The following RGSL1 variants were observed in gnomAD, a reference collection of about 807,000 sequenced individuals.
The protein encoded by RGSL1 is regulator of G protein signaling like 1.
A neutral mutation model predicts 124.7 loss-of-function variants in RGSL1; 97 were observed. The ratio of observed to expected loss-of-function variants is 0.78; its 90% CI spans 0.66 to 0.92. The LOEUF is 0.92. RGSL1 is among the 40% of genes least tolerant of loss of function. RGSL1 has a pLI of 0.00. For missense variants in RGSL1, 1,233 were observed against 1,288.4 expected (o/e 0.96, Z 0.66); for synonymous variants, 424 against 438.1 (o/e 0.97, Z 0.40).
intron 14 of RGSL1, among the ~76,000 whole-genome samples, chr1:182,539,842 T>C (rs1002414023): frequency 1.3e-5 from 2 of 152,228 alleles, no homozygotes; most frequent in Non-Finnish European, 1.5e-5. Flanking sequence ...ATTTTGACTT[T>C]TTCTTTGTGC....
intron 18 of RGSL1, among the ~76,000 whole-genome samples, chr1:182,552,531 G>A (rs1329329608): frequency 6.6e-6 from 1 of 152,174 alleles, no homozygotes; most frequent in Non-Finnish European, 1.5e-5. Flanking sequence ...CTGTGAATCT[G>A]GGAACAGCAT....
At chr1:182,509,657 C>T (rs1571608118) in intron 9 of RGSL1, among the ~76,000 whole-genome samples, 2 of 129,356 alleles carry the variant, frequency 1.5e-5, no homozygotes, top group Non-Finnish European at 3.3e-5. Flanking sequence ...GGCGGCTGGC[C>T]GGGCGGGGGG....
Position 182,473,992 on chromosome 1 carries a change from C to T in RGSL1, c.881C>T (p.Ser294Phe). The change falls in exon 6 of 22, where the codon TCC becomes TTC. Residue 294 changes from serine to phenylalanine, a missense_variant. Ser to Phe is a radical substitution (Grantham distance 155). Transcript: ENST00000294854. ...GAGAAGGTGGTTATACAAATGCCTT[C>T]CCTGAAAATGGCTTCTTCAAAGGAA... ...PQEKVVIQMPSLKMASSKETR... is the reference protein window; with the variant it reads ...PQEKVVIQMPFLKMASSKETR... The T allele has an allele frequency of 6.4e-7, 1 of 1,551,884 alleles. No individual in the cohort carries two copies. Among genetic ancestry groups the T allele is most frequent in the Non-Finnish European group, 8.7e-7 (1 of 1,147,024 alleles).
At chr1:182,456,595 GCCGAGAAGTAATCTTAAGAC>G (rs1652347137) in intron 2 of RGSL1, among the ~76,000 whole-genome samples, 1 of 152,180 alleles carries the variant, frequency 6.6e-6, no homozygotes, top group African/African-American at 2.4e-5. Context: ...TCCACGCCTG[GCCGAGAAGTAATCTTAAGAC>G]CCGTTAATCA....
chr1:182,551,154 C>T lies in RGSL1; in HGVS notation c.2988C>T (p.Phe996=). 1 of 1,551,722 alleles carries T rather than the reference C, an allele frequency of 6.4e-7. No individual in the cohort carries two copies. The highest frequency in any genetic ancestry group is 8.7e-7 in the Non-Finnish European group (1 of 1,147,002). ...ACTTACAGTATAGGGGGAAGAAGTT[C>T]AAGGACAGAAAAAGCCCTCCTAAAT... ...RSYLQYRGKK[F]KDRKSPPKST... is the part of the protein sequence containing the mutation. Residue 996 remains phenylalanine (F), a synonymous_variant, in exon 18 of 22, where the codon TTC becomes TTT. Coordinates refer to ENST00000294854, the MANE Select transcript of RGSL1 (RefSeq NM_001137669.2).
intron 9 of RGSL1, among the ~76,000 whole-genome samples, chr1:182,508,287 G>GT: frequency 8.3e-6 from 1 of 119,772 alleles, no homozygotes; most frequent in African/African-American, 3.3e-5. Flanking sequence ...TGGTGGTGGT[G>GT]GTGTTTTTTT....
intron 9 of RGSL1, among the ~76,000 whole-genome samples, chr1:182,516,270 G>A (rs1000145100): frequency 6.6e-6 from 1 of 152,222 alleles, no homozygotes; most frequent in Non-Finnish European, 1.5e-5. Context: ...CCAGGCTTGG[G>A]AGCGGGCCCT....
intron 14 of RGSL1, among the ~76,000 whole-genome samples, chr1:182,535,762 C>T (rs1223159119): frequency 3.9e-5 from 6 of 151,990 alleles, no homozygotes; most frequent in African/African-American, 7.3e-5. Context: ...CTTTTCTTCC[C>T]GTTTATTTTT....
intron 14 of RGSL1, among the ~76,000 whole-genome samples, chr1:182,535,716 A>G (rs911298257): frequency 6.6e-6 from 1 of 152,178 alleles, no homozygotes; most frequent in Admixed American, 6.5e-5. Context: ...TTGAACAAAA[A>G]TCCTCAAGAG....
chr1:182,531,700 T>G (rs188913963), intron 13 of RGSL1, among the ~76,000 whole-genome samples: 1 of 152,318 alleles, frequency 6.6e-6, no homozygotes, highest in African/African-American at 2.4e-5. Context: ...TCATATAGAC[T>G]ACTAAAAAGA....
upstream of RGSL1, among the ~76,000 whole-genome samples, chr1:182,448,614 G>C (rs1037670922): frequency 3.9e-5 from 6 of 152,234 alleles, 1 homozygote; most frequent in South Asian, 1.0e-3. Context: ...TTCTAAATCA[G>C]AATTGCCAGG....
intron 9 of RGSL1, among the ~76,000 whole-genome samples, chr1:182,504,340 C>T (rs1007403786): frequency 1.3e-5 from 2 of 151,994 alleles, no homozygotes; most frequent in Non-Finnish European, 2.9e-5. Flanking sequence ...GTTTTTGTAA[C>T]TTTCTTTGCT....
At chr1:182,468,569 A>G (rs1230415839) in intron 4 of RGSL1, among the ~76,000 whole-genome samples, 4 of 152,162 alleles carry the variant, frequency 2.6e-5, no homozygotes. Context: ...TTGAACAATG[A>G]GAATATTTGG....
intron 9 of RGSL1, among the ~76,000 whole-genome samples, chr1:182,496,908 G>C (rs1655956825): frequency 6.6e-6 from 1 of 151,948 alleles, no homozygotes. Flanking sequence ...CTGATATAGT[G>C]GACCCTTCAG....
chr1:182,520,030 T>C (rs1040485493), intron 9 of RGSL1, among the ~76,000 whole-genome samples: 3 of 152,220 alleles, frequency 2.0e-5, no homozygotes, highest in African/African-American at 7.2e-5. Flanking sequence ...AAGTGCCATT[T>C]TCCCCCCTTG....
intron 8 of RGSL1, among the ~76,000 whole-genome samples, chr1:182,490,879 C>T (rs1268024720): frequency 6.6e-6 from 1 of 151,890 alleles, no homozygotes; most frequent in Non-Finnish European, 1.5e-5. Context: ...TCAAGCTGTA[C>T]CCTAAACTCA....
At chr1:182,537,781 C>T (rs1659644453) in intron 14 of RGSL1, among the ~76,000 whole-genome samples, 1 of 152,058 alleles carries the variant, frequency 6.6e-6, no homozygotes, top group Non-Finnish European at 1.5e-5. Flanking sequence ...CACCAAGGAC[C>T]GTTCTTTAAT....
At chr1:182,511,155 T>C (rs1320250486) in intron 9 of RGSL1, among the ~76,000 whole-genome samples, 1 of 152,178 alleles carries the variant, frequency 6.6e-6, no homozygotes, top group Non-Finnish European at 1.5e-5. Flanking sequence ...CTCCATATAG[T>C]TATCCAGCTT....
At chr1:182,506,808 A>G (rs1656839952) in intron 9 of RGSL1, among the ~76,000 whole-genome samples, 1 of 152,174 alleles carries the variant, frequency 6.6e-6, no homozygotes, top group Non-Finnish European at 1.5e-5. Flanking sequence ...ACATGTGACA[A>G]TTAAACACAT....
Sources: allele counts gnomAD v4.1 joint callset (sites outside exome capture counted in the v4.1 genomes callset), GRCh38; gene constraint gnomAD v4.1.1; transcripts MANE v1.5; gene names NCBI Gene and HGNC (gene_info 2026-07-23, HGNC 2026-07-21).